FRAS1: variants seen among roughly 807,000 people sequenced by gnomAD.
The protein encoded by FRAS1 is extracellular matrix organizing protein FRAS1.
FRAS1 carries 290 observed loss-of-function variants against 435.2 expected under a neutral mutation model. That is an observed-to-expected ratio of 0.67 (90% confidence interval 0.61 to 0.73). The LOEUF (loss-of-function observed/expected upper bound fraction) is 0.73. Ranked by LOEUF, FRAS1 falls within the 30% of genes least tolerant of loss-of-function variation. The pLI is 0.00. For synonymous variants in FRAS1, 1,800 were observed against 1,851.0 expected (o/e 0.97, Z 0.71); for missense variants, 4,860 against 5,001.5 (o/e 0.97, Z 0.85).
At chr4:78,129,761 C>T (rs995977910) in intron 2 of FRAS1, among the ~76,000 whole-genome samples, 13 of 152,196 alleles carry the variant, frequency 8.5e-5, no homozygotes, top group Admixed American at 7.2e-4. Flanking sequence ...CTAAAACTCT[C>T]AGTGGTCCCT....
intron 26 of FRAS1, chr4:78,379,105 C>T (rs1731902691): frequency 6.6e-6 from 1 of 152,656 alleles, no homozygotes; most frequent in South Asian, 2.1e-4. Context: ...TCTGAATTTA[C>T]AACATTACAA....
chr4:78,116,827 T>C (rs930075850), intron 2 of FRAS1, among the ~76,000 whole-genome samples: 3 of 152,244 alleles, frequency 2.0e-5, no homozygotes, highest in Non-Finnish European at 2.9e-5. Context: ...TTAGCCCATT[T>C]ACATTTAAGG....
At chr4:78,536,773 A>T (rs1210687026) in intron 71 of FRAS1, among the ~76,000 whole-genome samples, 1 of 152,230 alleles carries the variant, frequency 6.6e-6, no homozygotes, top group African/African-American at 2.4e-5. Flanking sequence ...AAAAGAAGGC[A>T]TAAATGTTCC....
Position 78,412,992 on chromosome 4 carries a change from G to T in FRAS1, c.4332G>T (p.Gln1444His). The change falls in exon 32 of 74, where the codon CAG becomes CAT. Residue 1444 changes from glutamine (Q) to histidine (H), a missense_variant. By Grantham distance (24) the Gln-to-His change is conservative. Coordinates refer to ENST00000512123, the MANE Select transcript of FRAS1 (RefSeq NM_025074.7). ...RFEVSSASNAQTRLESHMFNI... is the reference protein window; with the variant it reads ...RFEVSSASNAHTRLESHMFNI... ...AGGTGTCCAGTGCCTCCAATGCCCA[G>T]ACCCGCCTGGAGAGCCACATGTTCA... 6.2e-7 allele frequency: 1 copy of T among 1,607,550 alleles called. No individual in the cohort carries two copies. Among genetic ancestry groups the T allele is most frequent in the Non-Finnish European group, 8.5e-7 (1 of 1,177,328 alleles).
At chr4:78,403,198 A>C (rs1223985880) in intron 30 of FRAS1, among the ~76,000 whole-genome samples, 2 of 152,208 alleles carry the variant, frequency 1.3e-5, no homozygotes, top group Non-Finnish European at 2.9e-5. Context: ...GTAAAAGACA[A>C]AAAATTAAGC....
chr4:78,337,674 A>T lies in FRAS1; in HGVS notation c.2279A>T (p.Glu760Val). 1 of 1,611,448 alleles carries T rather than the reference A, an allele frequency of 6.2e-7. No homozygotes were observed. The highest frequency in any genetic ancestry group is 8.5e-7 in the Non-Finnish European group (1 of 1,177,824). The change falls in exon 20 of 74, where the codon GAG becomes GTG. Residue 760 changes from glutamate to valine, a missense_variant and splice_region_variant. Glu to Val is a moderately radical substitution (Grantham distance 121). Coordinates refer to ENST00000512123, the MANE Select transcript of FRAS1 (RefSeq NM_025074.7). ...GYFHQEGSCT[E>V]CHPTCRQCHG... ...ATCCTGGTTTTCGTCCCCCTGCCAG[A>T]GTGTCACCCAACCTGCAGGCAGTGT...
chr4:78,275,112 G>A (rs1204205399), intron 9 of FRAS1, among the ~76,000 whole-genome samples: 1 of 152,152 alleles, frequency 6.6e-6, no homozygotes, highest in East Asian at 1.9e-4. Flanking sequence ...TTTAAAGTCT[G>A]TTTTATCAGA....
chr4:78,124,832 A>T (rs1341466024), intron 2 of FRAS1, among the ~76,000 whole-genome samples: 1 of 152,084 alleles, frequency 6.6e-6, no homozygotes, highest in Non-Finnish European at 1.5e-5. Flanking sequence ...CCCCTTTATC[A>T]ATTTTTATGT....
At chr4:78,363,048 G>A (rs1451295273) in intron 20 of FRAS1, among the ~76,000 whole-genome samples, 1 of 152,104 alleles carries the variant, frequency 6.6e-6, no homozygotes, top group Non-Finnish European at 1.5e-5. Flanking sequence ...GTTGTTTTAT[G>A]GTGAAGGTGG....
chr4:78,065,828 C>T (rs546708829), intron 1 of FRAS1, among the ~76,000 whole-genome samples, 157 bp from the exon 2 acceptor site: 1 of 152,138 alleles, frequency 6.6e-6, no homozygotes, highest in South Asian at 2.1e-4. Context: ...GGGTTATTTC[C>T]CCAGGGGAAG....
At chr4:78,505,710 C>A (rs1310806295) in intron 61 of FRAS1, among the ~76,000 whole-genome samples, 2 of 152,010 alleles carry the variant, frequency 1.3e-5, no homozygotes, top group Admixed American at 1.3e-4. Flanking sequence ...TTATTACCGA[C>A]CTTCTGAAGC....
intron 14 of FRAS1, among the ~76,000 whole-genome samples, chr4:78,306,283 G>A (rs1728710409): frequency 4.6e-5 from 7 of 150,664 alleles, no homozygotes. Context: ...TTTCTCTCTG[G>A]CTGCCCTTAA....
At chr4:78,363,390 G>T (rs1731151384) in intron 20 of FRAS1, 123 bp from the exon 21 acceptor site, 4 of 947,100 alleles carry the variant, frequency 4.2e-6, no homozygotes, top group Non-Finnish European at 6.1e-6. Flanking sequence ...ACTGCCTTTG[G>T]GCTACTCTCC....
At chr4:78,205,485 C>CCTAGACTAGTCTA (rs966294713) in intron 2 of FRAS1, among the ~76,000 whole-genome samples, 3 of 151,992 alleles carry the variant, frequency 2.0e-5, no homozygotes, top group African/African-American at 7.3e-5. Context: ...TGAGCAACTG[C>CCTAGACTAGTCTA]GTCCAGCCTA....
chr4:78,429,025 C>CGTGT, intron 35 of FRAS1, 70 bp from the exon 36 acceptor site: 1 of 1,428,034 alleles, frequency 7.0e-7, no homozygotes, highest in Non-Finnish European at 9.5e-7. Context: ...CAAGTTGATT[C>CGTGT]GTGTGTGTGT....
chr4:78,276,117 A>C (rs1727013193), intron 9 of FRAS1, among the ~76,000 whole-genome samples: 1 of 152,178 alleles, frequency 6.6e-6, no homozygotes, highest in Non-Finnish European at 1.5e-5. Context: ...CAGCTACTGA[A>C]GCTTGTGCAT....
intron 20 of FRAS1, among the ~76,000 whole-genome samples, chr4:78,343,442 T>C (rs79716447): frequency 6.8e-4 from 59 of 86,868 alleles, no homozygotes; most frequent in African/African-American, 2.6e-3. Flanking sequence ...TCCCTCCCTC[T>C]CTCTCTCTCT....
Position 78,284,396 on chromosome 4 carries a change from T to C in FRAS1, c.1256-9T>C. ...ACAGAGTTCTCCCCTTCTTTGTCCT[T>C]GATTTCAGTTCATTGCCATCCAGAT... is the stretch of plus-strand genomic sequence containing the variant. On this transcript the variant is annotated splice_polypyrimidine_tract_variant and intron_variant, in intron 12 of 73. Coordinates refer to ENST00000512123, the MANE Select transcript of FRAS1 (RefSeq NM_025074.7). 1.2e-6 allele frequency: 2 copies of C among 1,613,854 alleles called. No individual in the cohort carries two copies. Among genetic ancestry groups the C allele is most frequent in the Non-Finnish European group, 1.7e-6 (2 of 1,179,808 alleles).
rs546338511 is a variant in FRAS1, at chr4:78,117,384, G to T, written c.108+51368G>T. On this transcript the variant is annotated intron_variant, in intron 2 of 73. Coordinates refer to ENST00000512123, the MANE Select transcript of FRAS1 (RefSeq NM_025074.7). ...CTACATTTGAATGTTGGCCTGCCTT[G>T]CTAGATTGGGTAAGTTCTCTTGGAT... Among the ~76,000 whole-genome samples, 6 of 152,278 alleles carry T rather than the reference G, an allele frequency of 3.9e-5. No homozygotes were observed. The East Asian group carries it at 9.6e-4, about 24-fold the overall frequency.
Sources: allele counts gnomAD v4.1 joint callset (sites outside exome capture counted in the v4.1 genomes callset), GRCh38; gene constraint gnomAD v4.1.1; transcripts MANE v1.5; gene names NCBI Gene and HGNC (gene_info 2026-07-23, HGNC 2026-07-21).